The following AP3B1 variants were observed in gnomAD, a reference collection of about 807,000 sequenced individuals.
The protein encoded by AP3B1 is adaptor related protein complex 3 subunit beta 1.
Under a neutral mutation model 132.5 loss-of-function variants are expected in AP3B1, and 61 were observed. That is an observed-to-expected ratio of 0.46 (90% CI 0.37 to 0.57). The LOEUF (loss-of-function observed/expected upper bound fraction) is 0.57. Ranked by LOEUF, AP3B1 falls within the 20% of genes least tolerant of loss-of-function variation. The pLI is 0.00. For missense variants in AP3B1, 1,120 were observed against 1,289.4 expected, an observed-to-expected ratio of 0.87 and a Z score of 2.01; for synonymous variants, 388 against 438.3, an observed-to-expected ratio of 0.89 and a Z score of 1.43.
At chr5:78,098,080 C>CA (rs1210514679) in intron 21 of AP3B1, among the ~76,000 whole-genome samples, 15 of 151,116 alleles carry the variant, frequency 9.9e-5, no homozygotes, top group African/African-American at 3.6e-4. Flanking sequence ...TGCTTGAAGG[C>CA]AGCATGCTCG....
intron 22 of AP3B1, 177 bp downstream of exon 22, chr5:78,089,216 A>G (rs1022995245): frequency 3.6e-6 from 2 of 561,238 alleles, no homozygotes; most frequent in Non-Finnish European, 6.4e-6. Context: ...AAAAATTGAG[A>G]AGATAATGGT....
intron 25 of AP3B1, 122 bp from the exon 26 acceptor site, chr5:78,015,670 G>T: frequency 1.1e-6 from 1 of 896,956 alleles, no homozygotes; most frequent in Non-Finnish European, 1.7e-6. Context: ...ACTTTAGGAT[G>T]TAATTTACAA....
intron 7 of AP3B1, among the ~76,000 whole-genome samples, chr5:78,199,266 C>T (rs374165233): frequency 6.6e-6 from 1 of 152,114 alleles, no homozygotes; most frequent in Admixed American, 6.6e-5. Context: ...AAACTTTGTA[C>T]TGAGAAATCT....
chr5:78,183,528 G>A (rs1048017632), intron 7 of AP3B1, among the ~76,000 whole-genome samples: 4 of 152,162 alleles, frequency 2.6e-5, no homozygotes, highest in Admixed American at 6.5e-5. Flanking sequence ...ATGAGCAATT[G>A]AGAACATCCT....
chr5:78,142,458 T>G (rs942162547), intron 14 of AP3B1, among the ~76,000 whole-genome samples: 6 of 152,208 alleles, frequency 3.9e-5, no homozygotes, highest in South Asian at 4.1e-4. Flanking sequence ...GTTCTTTTTA[T>G]GAAGTCCTTT....
chr5:78,090,846 C>T (rs1386047402), intron 21 of AP3B1, among the ~76,000 whole-genome samples: 1 of 151,908 alleles, frequency 6.6e-6, no homozygotes, highest in African/African-American at 2.4e-5. Context: ...GGGTCTTGCT[C>T]TGTTGCCCAG....
chr5:78,038,161 C>T (rs954571560), intron 23 of AP3B1, among the ~76,000 whole-genome samples: 1 of 152,184 alleles, frequency 6.6e-6, no homozygotes, highest in African/African-American at 2.4e-5. Flanking sequence ...AGGGCCAGTA[C>T]TGCCATATTT....
intron 11 of AP3B1, 142 bp downstream of exon 11, chr5:78,175,484 A>G: frequency 1.5e-6 from 1 of 673,272 alleles, no homozygotes; most frequent in Non-Finnish European, 2.6e-6. Flanking sequence ...AATAATATAG[A>G]TTGAAAAGTA....
chr5:78,077,340 T>C (rs1218828524), intron 22 of AP3B1, among the ~76,000 whole-genome samples: 1 of 151,962 alleles, frequency 6.6e-6, no homozygotes, highest in Non-Finnish European at 1.5e-5. Flanking sequence ...GGGTCAGAGG[T>C]GTGCTGCGAT....
At chr5:78,035,725 G>T (rs1248224663) in intron 23 of AP3B1, among the ~76,000 whole-genome samples, 2 of 152,052 alleles carry the variant, frequency 1.3e-5, no homozygotes, top group South Asian at 4.1e-4. Flanking sequence ...TTAGTTTGCT[G>T]ATTCTAGTTT....
intron 1 of AP3B1, among the ~76,000 whole-genome samples, chr5:78,281,876 T>C (rs1251919979): frequency 2.6e-5 from 4 of 152,122 alleles, no homozygotes; most frequent in Non-Finnish European, 4.4e-5. Context: ...CACTTAACAA[T>C]GGTTAGGTTG....
chr5:78,079,565 G>T (rs1749903988), intron 22 of AP3B1, among the ~76,000 whole-genome samples: 1 of 152,152 alleles, frequency 6.6e-6, no homozygotes, highest in South Asian at 2.1e-4. Context: ...AAAGCAGAAA[G>T]ATATGGAAGA....
chr5:78,252,472 C>T (rs1747679198), intron 2 of AP3B1, among the ~76,000 whole-genome samples: 1 of 152,124 alleles, frequency 6.6e-6, no homozygotes, highest in South Asian at 2.1e-4. Flanking sequence ...AAGGGTGAGT[C>T]CCAGGCCAAG....
intron 22 of AP3B1, among the ~76,000 whole-genome samples, chr5:78,051,787 T>C (rs1009867451): frequency 1.3e-5 from 2 of 152,172 alleles, no homozygotes; most frequent in African/African-American, 4.8e-5. Context: ...TATTTTGATA[T>C]ATAATTTATA....
At chr5:78,078,435 T>C (rs901225657) in intron 22 of AP3B1, among the ~76,000 whole-genome samples, 1 of 152,254 alleles carries the variant, frequency 6.6e-6, no homozygotes, top group African/African-American at 2.4e-5. Flanking sequence ...TTTCACAATA[T>C]GGCTTTCAAC....
At chr5:78,118,043 C>A (rs190330844) in intron 17 of AP3B1, among the ~76,000 whole-genome samples, 1 of 152,244 alleles carries the variant, frequency 6.6e-6, no homozygotes, top group South Asian at 2.1e-4. Flanking sequence ...ACTGAATGTA[C>A]AATAGAATCA....
rs2112414243 is a variant in AP3B1 at position 78,181,596 on chromosome 5, C to T, written c.853G>A (p.Asp285Asn). The change falls in exon 8 of 27, where the codon GAC (aspartate) becomes AAC (asparagine). Residue 285 changes from aspartate to asparagine, a missense_variant. Transcript: ENST00000255194. Reference protein sequence around the residue: ...ESDDDQKEKTDKKKKPYTMDP... With the variant: ...ESDDDQKEKTNKKKKPYTMDP... ...ATAGTATACGGCTTCTTCTTTTTGTCAGTCTTTTCCTTCTGATCATCATCA... is the reference window on the plus strand; with the variant it reads ...ATAGTATACGGCTTCTTCTTTTTGTTAGTCTTTTCCTTCTGATCATCATCA... 8.7e-6 allele frequency: 14 copies of T among 1,612,342 alleles called. No individual in the cohort carries two copies. Among genetic ancestry groups the T allele is most frequent in the Non-Finnish European group, 1.1e-5 (13 of 1,179,230 alleles).
At position 78,141,264 on chromosome 5, in the gene AP3B1, A is replaced by C. The variant is rs1432303035; in HGVS notation, c.1529T>G (p.Val510Gly). 6.2e-7 allele frequency: 1 copy of C among 1,613,642 alleles called. No individual in the cohort carries two copies. Among genetic ancestry groups the C allele is most frequent in the Non-Finnish European group, 8.5e-7 (1 of 1,179,754 alleles). ...LWLIGENCER[V>G]PKIAPDVLRK... ...CAAAACATCAGGGGCAATTTTAGGA[A>C]CTCGTTCACAGTTTTCTCCAATTAG... The change falls in exon 15 of 27, where the codon GTT becomes GGT. Residue 510 changes from valine to glycine, a missense_variant. Physicochemically the swap from Val to Gly is moderately radical, Grantham distance 109 (BLOSUM62 -3). This residue lies in a region of AP3B1 where 906 missense variants were observed against 997.1 expected (regional missense o/e 0.91). Transcript: ENST00000255194.
chr5:78,169,682 C>G (rs989541331), intron 11 of AP3B1, among the ~76,000 whole-genome samples: 5 of 152,118 alleles, frequency 3.3e-5, no homozygotes, highest in African/African-American at 1.2e-4. Flanking sequence ...CCCACCTTAG[C>G]CTCCCAAAGT....
Sources: gnomAD v4.1 joint callset for allele counts (sites outside exome capture counted in the v4.1 genomes callset) on GRCh38, gnomAD v4.1.1 for gene constraint, gnomAD v4.1.1 regional missense constraint, MANE v1.5 for transcripts, NCBI Gene and HGNC (gene_info 2026-07-23, HGNC 2026-07-21) for gene names.